Variants in PFKFB3 observed in about 807,000 individuals in gnomAD.
PFKFB3 encodes the protein 6-phosphofructo-2-kinase/fructose-2,6-bisphosphatase 3.
In PFKFB3, 33 loss-of-function variants were observed where a neutral mutation model predicts 68.0. That is an observed-to-expected ratio of 0.49 (90% CI 0.37 to 0.65). The LOEUF is 0.65. Among genes scored for constraint, PFKFB3 ranks in the 30% least tolerant of loss-of-function variants. PFKFB3 has a pLI of 0.00. For missense variants in PFKFB3, 586 were observed against 712.2 expected (o/e 0.82, Z 2.02); for synonymous variants, 315 against 288.2 (o/e 1.09, Z -0.94).
intron 14 of PFKFB3, among the ~76,000 whole-genome samples, chr10:6,247,208 G>A (rs955684086): frequency 5.3e-5 from 8 of 152,080 alleles, no homozygotes; most frequent in Non-Finnish European, 1.2e-4. Flanking sequence ...GTTTCTTTTG[G>A]GTAGAAAACT....
At chr10:6,263,727 C>T in the PFKFB3 span, among the ~76,000 whole-genome samples, 1 of 24,222 alleles carries the variant, frequency 4.1e-5, no homozygotes, top group East Asian at 5.2e-4. Flanking sequence ...TGCTCTGTCA[C>T]CAGGTTGGAG....
intron 14 of PFKFB3, chr10:6,231,657 T>C: frequency 1.1e-6 from 1 of 916,632 alleles, no homozygotes; most frequent in Non-Finnish European, 1.3e-6. Flanking sequence ...TGCTCTGTGA[T>C]CCCACAGCCC....
At chr10:6,280,858 G>A in the PFKFB3 span, among the ~76,000 whole-genome samples, 9 of 151,766 alleles carry the variant, frequency 5.9e-5, no homozygotes, top group Admixed American at 2.0e-4. Context: ...GGTTACATAA[G>A]CAGGTTCTTT....
chr10:6,268,739 A>C, the PFKFB3 span, among the ~76,000 whole-genome samples: 1 of 151,742 alleles, frequency 6.6e-6, no homozygotes, highest in Non-Finnish European at 1.5e-5. Context: ...GAGGTTAAAG[A>C]GGCTGGGTGA....
chr10:6,213,473 G>A (rs1844361282), intron 1 of PFKFB3, 150 bp from the exon 2 acceptor site: 2 of 818,386 alleles, frequency 2.4e-6, no homozygotes, highest in Non-Finnish European at 3.9e-6. Context: ...TAATCATGGT[G>A]GCCACCGTGC....
At chr10:6,160,267 G>C (rs553364440) in intron 1 of PFKFB3, among the ~76,000 whole-genome samples, 1 of 152,138 alleles carries the variant, frequency 6.6e-6, no homozygotes. Context: ...TGGGGTCATA[G>C]TTGTCTGTTA....
chr10:6,145,897 G>C (rs1841374549), intron 1 of PFKFB3, among the ~76,000 whole-genome samples: 1 of 152,240 alleles, frequency 6.6e-6, no homozygotes, highest in African/African-American at 2.4e-5. Flanking sequence ...AGGCCGGGTG[G>C]TTGGAGGCCC....
chr10:6,254,511 T>G (rs1588573095), exon 15 of PFKFB3: 1 of 397,154 alleles, frequency 2.5e-6, no homozygotes, highest in Middle Eastern at 6.3e-4. Context: ...ATGGGTAGTT[T>G]ATGACACTTC....
At chr10:6,243,243 A>G (rs1340377204) in intron 14 of PFKFB3, among the ~76,000 whole-genome samples, 2 of 152,344 alleles carry the variant, frequency 1.3e-5, no homozygotes, top group East Asian at 3.9e-4. Flanking sequence ...ACCATGTTGT[A>G]ATCCTCGGAA....
chr10:6,291,457 C>T, the PFKFB3 span, among the ~76,000 whole-genome samples: 1 of 150,248 alleles, frequency 6.7e-6, no homozygotes, highest in Non-Finnish European at 1.5e-5. Context: ...GAGGCTGAGG[C>T]AGGAGAATTG....
chr10:6,266,262 A>G, the PFKFB3 span, among the ~76,000 whole-genome samples: 8 of 152,266 alleles, frequency 5.3e-5, no homozygotes, highest in African/African-American at 1.7e-4. Flanking sequence ...GTTATAATCC[A>G]TAGTGTCCTT....
chr10:6,273,788 G>T, the PFKFB3 span, among the ~76,000 whole-genome samples: 1 of 152,200 alleles, frequency 6.6e-6, no homozygotes, highest in African/African-American at 2.4e-5. Context: ...AGAAGAGGGA[G>T]TGAAGACAGC....
the PFKFB3 span, among the ~76,000 whole-genome samples, chr10:6,325,100 G>A: frequency 2.8e-3 from 430 of 152,122 alleles, 4 homozygotes; most frequent in African/African-American, 0.01. Context: ...AGTAGCTGGG[G>A]TTACAGGCGC....
At chr10:6,192,137 A>AACACACACACACAC (rs1843040308) in intron 1 of PFKFB3, among the ~76,000 whole-genome samples, 2 of 67,656 alleles carry the variant, frequency 3.0e-5, no homozygotes, top group African/African-American at 1.2e-4. Context: ...GACATTCCCC[A>AACACACACACACAC]ATACACACAC....
chr10:6,182,297 C>A (rs1347594369), intron 1 of PFKFB3, among the ~76,000 whole-genome samples: 1 of 152,132 alleles, frequency 6.6e-6, no homozygotes, highest in Non-Finnish European at 1.5e-5. Flanking sequence ...CACACACACA[C>A]CCCTTGAGGT....
intron 1 of PFKFB3, among the ~76,000 whole-genome samples, chr10:6,183,451 C>G (rs1169051329): frequency 6.6e-6 from 1 of 151,988 alleles, no homozygotes; most frequent in Non-Finnish European, 1.5e-5. Flanking sequence ...GCCCCACCAG[C>G]CTGAAGCTGG....
chr10:6,218,586 G>A (rs971444680), intron 6 of PFKFB3, among the ~76,000 whole-genome samples: 4 of 151,878 alleles, frequency 2.6e-5, no homozygotes, highest in African/African-American at 7.3e-5. Context: ...GCGCCACCAC[G>A]CCCAGCTAAT....
At chr10:6,169,000 A>T (rs1842223723) in intron 1 of PFKFB3, among the ~76,000 whole-genome samples, 1 of 140,714 alleles carries the variant, frequency 7.1e-6, no homozygotes, top group Non-Finnish European at 1.6e-5. Flanking sequence ...TCTGTCACCC[A>T]GGCTGGAGTG....
downstream of PFKFB3, among the ~76,000 whole-genome samples, chr10:6,256,159 T>C (rs1846492246): frequency 6.6e-6 from 1 of 152,240 alleles, no homozygotes; most frequent in Admixed American, 6.5e-5. Flanking sequence ...CTGTGCCCTT[T>C]GAACCCACTC....
Sources: gnomAD v4.1 joint callset for allele counts (sites outside exome capture counted in the v4.1 genomes callset) on GRCh38, gnomAD v4.1.1 for gene constraint, MANE v1.5 for transcripts, NCBI Gene and HGNC (gene_info 2026-07-23, HGNC 2026-07-21) for gene names.